The following PSMB1 variants were observed in gnomAD, a reference collection of about 807,000 sequenced individuals.
The protein encoded by PSMB1 is proteasome 20S subunit beta 1.
A neutral mutation model predicts 25.4 loss-of-function variants in PSMB1; 7 were observed. The observed-to-expected ratio is 0.28, with a 90% CI of 0.16 to 0.52. PSMB1 has a LOEUF of 0.52. Among genes scored for constraint, PSMB1 ranks in the 20% least tolerant of loss-of-function variants. The probability of loss-of-function intolerance (pLI) is 0.97; values close to 1 mark genes in which losing one functional copy is unlikely to be tolerated. For synonymous variants in PSMB1, 119 were observed against 115.0 expected (o/e 1.03, Z -0.22); for missense variants, 284 against 302.2 (o/e 0.94, Z 0.45).
chr6:170,543,913 G>C (rs576701703), intron 3 of PSMB1, among the ~76,000 whole-genome samples, 183 bp from the exon 4 acceptor site: 5 of 152,154 alleles, frequency 3.3e-5, no homozygotes, highest in Non-Finnish European at 7.3e-5. Flanking sequence ...GGAATGCCAA[G>C]TTTGCCCTCA....
In PSMB1 at chr6:170,535,125, C is replaced by T. The variant is rs60070215; in HGVS notation, c.*95G>A. ...ACAAGTTATAGCAAAATGAGTACTT[C>T]AGGTTTCTCTTTTAATAAACAAAAC... On this transcript the variant is annotated 3_prime_UTR_variant, in exon 6 of 6. Transcript: ENST00000262193. 1.1e-4 allele frequency: 119 copies of T among 1,110,860 alleles called. No individual in the cohort carries two copies. The highest frequency in any genetic ancestry group is 1.5e-4 in the Non-Finnish European group (117 of 800,404). 68.8% of individuals were successfully genotyped at this position (1,110,860 alleles called of 1,614,324 possible).
chr6:170,535,158 G>A lies in PSMB1; in HGVS notation c.*62C>T. The A allele has an allele frequency of 6.9e-7, 1 of 1,448,510 alleles. No homozygotes were observed. Among genetic ancestry groups the A allele is most frequent in the Non-Finnish European group, 9.3e-7 (1 of 1,071,108 alleles). 89.7% of individuals were successfully genotyped at this position (1,448,510 alleles called of 1,614,324 possible). ...TCTTTTAATAAACAAAACCATCCAA[G>A]GTACAGTTCCAAAGTACAAAATCAA... is the stretch of plus-strand genomic sequence containing the variant. On this transcript the variant is annotated 3_prime_UTR_variant, in exon 6 of 6. Coordinates refer to ENST00000262193, the MANE Select transcript of PSMB1 (RefSeq NM_002793.4).
intron 4 of PSMB1, among the ~76,000 whole-genome samples, chr6:170,541,566 G>A (rs1218561211): frequency 6.6e-6 from 1 of 152,162 alleles, no homozygotes; most frequent in African/African-American, 2.4e-5. Flanking sequence ...ATGGAGGTAA[G>A]TACCAGGAAA....
intron 4 of PSMB1, among the ~76,000 whole-genome samples, chr6:170,539,918 C>A (rs1395525018): frequency 6.6e-6 from 1 of 152,074 alleles, no homozygotes; most frequent in Non-Finnish European, 1.5e-5. Context: ...TAATTAAATA[C>A]AAAAATCATT....
rs1156822021 is a variant in PSMB1, at chr6:170,553,268, C to T, written c.-26G>A. 3.9e-6 allele frequency: 6 copies of T among 1,550,332 alleles called. No homozygotes were observed. Among genetic ancestry groups the T allele is most frequent in the African/African-American group, 1.4e-5 (1 of 73,878 alleles). ...CGCACGGCTGCGCCTGCGGATCCGA[C>T]ACTTGCTGTCTCACGGCGAGATGGC... is the stretch of plus-strand genomic sequence containing the variant. On this transcript the variant is annotated 5_prime_UTR_variant, in exon 1 of 6. Transcript: ENST00000262193.
intron 2 of PSMB1, among the ~76,000 whole-genome samples, chr6:170,548,103 G>C (rs950693889): frequency 6.6e-6 from 1 of 152,196 alleles, no homozygotes; most frequent in Non-Finnish European, 1.5e-5. Flanking sequence ...ATCAAAAGAT[G>C]CAAGTGGAGA....
chr6:170,543,052 G>A (rs760320554), intron 4 of PSMB1, among the ~76,000 whole-genome samples: 26 of 152,284 alleles, frequency 1.7e-4, no homozygotes, highest in Middle Eastern at 3.4e-3. Flanking sequence ...GAAAACATTG[G>A]TGCCCATGTG....
intron 2 of PSMB1, among the ~76,000 whole-genome samples, chr6:170,548,028 G>C (rs1170252852): frequency 6.6e-6 from 1 of 151,766 alleles, no homozygotes; most frequent in African/African-American, 2.4e-5. Context: ...AGTTGTACAA[G>C]TGTCGTCCTT....
intron 4 of PSMB1, among the ~76,000 whole-genome samples, chr6:170,540,685 A>AAG (rs111638298): frequency 6.7e-6 from 1 of 149,940 alleles, no homozygotes; most frequent in Non-Finnish European, 1.5e-5. Flanking sequence ...GAAAAAAAAA[A>AAG]CATTCTGATG....
chr6:170,550,575 G>A (rs1778880024), intron 1 of PSMB1: 1 of 152,148 alleles, frequency 6.6e-6, no homozygotes, highest in Admixed American at 6.6e-5. Flanking sequence ...GAATGCAAGA[G>A]AGAGAAAAGT....
chr6:170,537,331 G>A lies in PSMB1; in HGVS notation c.443C>T (p.Ala148Val). Reference sequence around the variant, plus strand: ...CCCTACTGGATCAAAGCTGTATACAGCCCCCTTTCCTTAAAGAAGAAAACA... The same window carrying A: ...CCCTACTGGATCAAAGCTGTATACAACCCCCTTTCCTTAAAGAAGAAAACA... ...IGGLDEEGKG[A>V]VYSFDPVGSY... The change falls in exon 5 of 6, where the codon GCT (alanine) becomes GTT (valine). Residue 148 changes from alanine (A) to valine (V), a missense_variant. By Grantham distance (64) the Ala-to-Val change is moderately conservative (BLOSUM62 0). Coordinates refer to ENST00000262193, the MANE Select transcript of PSMB1 (RefSeq NM_002793.4). The A allele has an allele frequency of 1.2e-6, 2 of 1,612,574 alleles. No individual in the cohort carries two copies. Among genetic ancestry groups the A allele is most frequent in the Non-Finnish European group, 1.7e-6 (2 of 1,178,768 alleles).
chr6:170,537,637 T>C (rs569306266), intron 4 of PSMB1, among the ~76,000 whole-genome samples: 2 of 152,200 alleles, frequency 1.3e-5, no homozygotes, highest in East Asian at 3.9e-4. Flanking sequence ...TAAAATACAA[T>C]ATTGAGTAAC....
intron 1 of PSMB1, among the ~76,000 whole-genome samples, chr6:170,551,063 A>T (rs912234374): frequency 6.6e-6 from 1 of 151,976 alleles, no homozygotes; most frequent in Admixed American, 6.6e-5. Flanking sequence ...AAATGCGTGA[A>T]CCCAGGAGTT....
chr6:170,537,037 G>A (rs1267112493), intron 5 of PSMB1, among the ~76,000 whole-genome samples, 197 bp downstream of exon 5: 5 of 152,240 alleles, frequency 3.3e-5, no homozygotes, highest in East Asian at 1.9e-4. Context: ...GGACCCACAA[G>A]AGAGTAGGCA....
chr6:170,551,485 T>G (rs1229833840), intron 1 of PSMB1, among the ~76,000 whole-genome samples: 1 of 152,076 alleles, frequency 6.6e-6, no homozygotes. Flanking sequence ...GAACAATGAC[T>G]GAGAAAAAGT....
At chr6:170,552,420 T>C (rs2114983548) in intron 1 of PSMB1, among the ~76,000 whole-genome samples, 1 of 152,158 alleles carries the variant, frequency 6.6e-6, no homozygotes, top group East Asian at 1.9e-4. Context: ...AGCTGGTAAT[T>C]AAAATAAAAA....
rs555291286 is a variant in PSMB1, at chr6:170,536,371, G to A, written c.540+863C>T. 131 of 449,072 alleles carry A rather than the reference G, an allele frequency of 2.9e-4. 1 individual carries two copies. Among genetic ancestry groups the A allele is most frequent in the Non-Finnish European group, 4.7e-4 (106 of 224,194 alleles). The allele number at this position is 449,072 out of a possible 1,614,324, so 27.8% of individuals were successfully genotyped here. On this transcript the variant is annotated intron_variant, in intron 5 of 5. Transcript: ENST00000262193. ...AATGTTCTCCTTTGTTTTTCATTGT[G>A]TTTAGTGCGATTATTATAAACCTTA...
intron 4 of PSMB1, 120 bp from the exon 5 acceptor site, chr6:170,537,460 G>T: frequency 1.5e-6 from 1 of 689,314 alleles, no homozygotes; most frequent in Non-Finnish European, 2.5e-6. Flanking sequence ...AAAACTTCAG[G>T]GAACAGTTGG....
intron 1 of PSMB1, among the ~76,000 whole-genome samples, chr6:170,551,056 T>C (rs1309430765): frequency 6.6e-6 from 1 of 151,856 alleles, no homozygotes; most frequent in Non-Finnish European, 1.5e-5. Flanking sequence ...GAGGCAGAAA[T>C]GCGTGAACCC....
Sources: gnomAD v4.1 joint callset for allele counts (sites outside exome capture counted in the v4.1 genomes callset) on GRCh38, gnomAD v4.1.1 for gene constraint, MANE v1.5 for transcripts, NCBI Gene and HGNC (gene_info 2026-07-23, HGNC 2026-07-21) for gene names.